ING5: variants seen among roughly 807,000 people sequenced by gnomAD.
The protein encoded by ING5 is inhibitor of growth protein 5.
Under a neutral mutation model 37.4 loss-of-function variants are expected in ING5, and 17 were observed. That is an observed-to-expected ratio of 0.45 (90% CI 0.31 to 0.68). The LOEUF is 0.68. ING5 is among the 30% of genes least tolerant of loss of function. The probability of loss-of-function intolerance (pLI) is 0.05; values close to 1 mark genes in which losing one functional copy is unlikely to be tolerated. For synonymous variants in ING5, 123 were observed against 116.6 expected, an observed-to-expected ratio of 1.06 and a Z score of -0.36; for missense variants, 233 against 311.9, an observed-to-expected ratio of 0.75 and a Z score of 1.91.
exon 1 of ING5, chr2:241,687,993 G>A (rs928659988): frequency 6.6e-6 from 1 of 152,182 alleles, no homozygotes; most frequent in African/African-American, 2.4e-5. Context: ...AAGTGTCCCC[G>A]GTATCTAGAA....
Position 241,723,203 on chromosome 2 carries a change from T to G in ING5, c.619-7T>G, listed in dbSNP as rs760882391. 6.2e-7 allele frequency: 1 copy of G among 1,614,254 alleles called. No homozygotes were observed. Among genetic ancestry groups the G allele is most frequent in the Non-Finnish European group, 8.5e-7 (1 of 1,180,042 alleles). On this transcript the variant is annotated splice_region_variant and splice_polypyrimidine_tract_variant and intron_variant, in intron 6 of 7. Coordinates refer to ENST00000313552, the MANE Select transcript of ING5 (RefSeq NM_032329.6). ...TGTTGACTGCGGTTTCTCCCTTTAC[T>G]TTGCAGTGTCCAATTGAGTGGTTTC...
At chr2:241,696,945 G>A (rs1402225483) in intron 2 of ING5, among the ~76,000 whole-genome samples, 3 of 152,038 alleles carry the variant, frequency 2.0e-5, no homozygotes, top group East Asian at 3.9e-4. Context: ...AGCTGGGCAT[G>A]GTGGCAGGCA....
chr2:241,704,249 A>G (rs1202214271), intron 1 of ING5, among the ~76,000 whole-genome samples: 2 of 152,210 alleles, frequency 1.3e-5, no homozygotes, highest in Non-Finnish European at 2.9e-5. Context: ...GAGACAGAAT[A>G]CAGAGTGGGC....
rs1488409661 is a variant in ING5 at position 241,725,735 on chromosome 2, G to C, written c.*704G>C. ...CCGTGACCAGCACCCGCGAGACCCT[G>C]TGCGACAGCTGGGCTGATGCTCCGT... On this transcript the variant is annotated 3_prime_UTR_variant, in exon 8 of 8. Transcript: ENST00000313552. 2 of 152,682 alleles carry C rather than the reference G, an allele frequency of 1.3e-5. No homozygotes were observed. The highest frequency in any genetic ancestry group is 1.3e-4 in the Admixed American group (2 of 15,286). The allele number at this position is 152,682 out of a possible 1,614,324, so 9.5% of individuals were successfully genotyped here.
At chr2:241,688,414 T>G (rs1462227057) in intron 1 of ING5, among the ~76,000 whole-genome samples, 2 of 152,198 alleles carry the variant, frequency 1.3e-5, no homozygotes, top group Non-Finnish European at 2.9e-5. Flanking sequence ...ACCACCCACT[T>G]CAGTGCTTTG....
At chr2:241,723,933 C>T in intron 7 of ING5, 7 of 1,290,088 alleles carry the variant, frequency 5.4e-6, no homozygotes, top group Middle Eastern at 2.6e-4. Flanking sequence ...TGGCTTGAGC[C>T]TGGAAGTCCG....
chr2:241,720,105 G>A lies in ING5; in HGVS notation c.483-2834G>A, dbSNP rs150207390. 5.1e-3 allele frequency: 6,295 copies of A among 1,238,460 alleles called. 28 individuals are homozygous for A. The highest frequency in any genetic ancestry group is 0.013 in the South Asian group (319 of 24,862). 76.7% of individuals were successfully genotyped at this position (1,238,460 alleles called of 1,614,324 possible). ...AGGGACAGGAGGATGGTGCAGGTGG[G>A]CAGACGGGTCATCCTGAGGACCAGT... On this transcript the variant is annotated intron_variant, in intron 5 of 7. Transcript: ENST00000313552.
At chr2:241,721,483 C>T (rs1281068728) in intron 5 of ING5, 4 of 985,488 alleles carry the variant, frequency 4.1e-6, no homozygotes, top group Non-Finnish European at 4.8e-6. Context: ...ATGCTGAGCC[C>T]GAGTGTGTGT....
chr2:241,719,576 T>TGA (rs2070374415), intron 5 of ING5: 1 of 1,536,002 alleles, frequency 6.5e-7, no homozygotes, highest in Non-Finnish European at 8.7e-7. Flanking sequence ...GTGGGACTCC[T>TGA]CCTGGTCTCT....
At chr2:241,692,650 G>T (rs948207561) in intron 2 of ING5, among the ~76,000 whole-genome samples, 1 of 152,060 alleles carries the variant, frequency 6.6e-6, no homozygotes, top group African/African-American at 2.4e-5. Flanking sequence ...GATGCCAGCT[G>T]CTCTGAAGGA....
In ING5 at chr2:241,725,332, T is replaced by A; in HGVS notation, c.*301T>A. ...TGAGCTCGGGCTGCCCGGCCGGGCG[T>A]GCGGGCGGGGACATGGTAACCTGGT... On this transcript the variant is annotated 3_prime_UTR_variant, in exon 8 of 8. Transcript: ENST00000313552. The A allele has an allele frequency of 2.4e-6, 1 of 412,040 alleles. No homozygotes were observed. The highest frequency in any genetic ancestry group is 4.5e-6 in the Non-Finnish European group (1 of 222,240). 25.5% of individuals were successfully genotyped at this position (412,040 alleles called of 1,614,324 possible). A position where few individuals can be genotyped will look rare whatever the true frequency, so the allele number is the denominator to read the frequency against.
At chr2:241,722,130 G>A (rs80210742) in intron 5 of ING5, 105,694 of 985,346 alleles carry the variant, frequency 0.11, 5,746 homozygotes, top group South Asian at 0.14. Context: ...AGGACGCATG[G>A]CTGTTCTCTT....
At position 241,725,238 on chromosome 2, in the gene ING5, T is replaced by G; in HGVS notation, c.*207T>G. The G allele has an allele frequency of 1.7e-6, 1 of 599,350 alleles. No individual in the cohort carries two copies. Among genetic ancestry groups the G allele is most frequent in the Non-Finnish European group, 3.0e-6 (1 of 334,052 alleles). The allele number at this position is 599,350 out of a possible 1,614,324, so 37.1% of individuals were successfully genotyped here. A position where few individuals can be genotyped will look rare whatever the true frequency, so the allele number is the denominator to read the frequency against. ...CTTGCAGGGACTCGCCGCCGCGACC[T>G]CAGTGTGGCTTTTACAGGACTCCCC... On this transcript the variant is annotated 3_prime_UTR_variant, in exon 8 of 8. Transcript: ENST00000313552.
chr2:241,691,542 C>T (rs1229742941), intron 2 of ING5, among the ~76,000 whole-genome samples: 1 of 151,688 alleles, frequency 6.6e-6, no homozygotes, highest in Non-Finnish European at 1.5e-5. Flanking sequence ...GGAATAAAGT[C>T]TCTCACCGTC....
At chr2:241,700,260 C>T (rs886654401), upstream of ING5, among the ~76,000 whole-genome samples, 2 of 150,742 alleles carry the variant, frequency 1.3e-5, no homozygotes, top group African/African-American at 4.9e-5. Flanking sequence ...GGGTTCACGC[C>T]ATTCTCCTGC....
chr2:241,694,449 A>G (rs1035654778), intron 2 of ING5, among the ~76,000 whole-genome samples: 2 of 152,160 alleles, frequency 1.3e-5, no homozygotes, highest in Admixed American at 1.3e-4. Flanking sequence ...TCTCAAAAAA[A>G]AAAGAATCAG....
chr2:241,705,491 G>A (rs528879227), intron 2 of ING5, among the ~76,000 whole-genome samples: 5 of 143,628 alleles, frequency 3.5e-5, no homozygotes, highest in East Asian at 2.2e-4. Context: ...TCCACCTCCC[G>A]GGTTCAAGTG....
At chr2:241,710,213 TCTC>T (rs1465355570) in intron 3 of ING5, among the ~76,000 whole-genome samples, 1 of 152,036 alleles carries the variant, frequency 6.6e-6, no homozygotes, top group Non-Finnish European at 1.5e-5. Flanking sequence ...TTCAAGCAAT[TCTC>T]CTGCCTCAGC....
At chr2:241,698,120 C>T (rs1280766513), upstream of ING5, among the ~76,000 whole-genome samples, 2 of 148,730 alleles carry the variant, frequency 1.3e-5, no homozygotes, top group African/African-American at 5.0e-5. Context: ...AGAATGAACC[C>T]TTATGGAAAT....
Sources: gnomAD v4.1 joint callset for allele counts (sites outside exome capture counted in the v4.1 genomes callset) on GRCh38, gnomAD v4.1.1 for gene constraint, MANE v1.5 for transcripts, NCBI Gene and HGNC (gene_info 2026-07-23, HGNC 2026-07-21) for gene names.